Variants in NAALADL2 observed in about 807,000 individuals in gnomAD.
NAALADL2 encodes inactive N-acetylated-alpha-linked acidic dipeptidase-like protein 2.
A neutral mutation model predicts 87.2 loss-of-function variants in NAALADL2; 76 were observed. The ratio of observed to expected loss-of-function variants is 0.87; its 90% CI spans 0.72 to 1.05. The LOEUF is 1.05. Among genes scored for constraint, NAALADL2 ranks in the 50% least tolerant of loss-of-function variants. NAALADL2 has a pLI of 0.00. For missense variants in NAALADL2, 1,089 were observed against 945.8 expected (o/e 1.15, Z -1.99); for synonymous variants, 354 against 331.0 (o/e 1.07, Z -0.75).
chr3:175,597,832 G>A (rs1722444288), intron 10 of NAALADL2, among the ~76,000 whole-genome samples: 1 of 151,924 alleles, frequency 6.6e-6, no homozygotes, highest in African/African-American at 2.4e-5. Flanking sequence ...TATTTATCTA[G>A]AATTAGAGTT....
chr3:175,252,500 C>T (rs1207282298), intron 3 of NAALADL2, among the ~76,000 whole-genome samples: 1 of 152,136 alleles, frequency 6.6e-6, no homozygotes, highest in Non-Finnish European at 1.5e-5. Flanking sequence ...TCCTGGGCCT[C>T]CCTCTCCTGG....
intron 1 of NAALADL2, among the ~76,000 whole-genome samples, chr3:174,532,516 T>G (rs1471860560): frequency 6.6e-6 from 1 of 152,098 alleles, no homozygotes; most frequent in African/African-American, 2.4e-5. Flanking sequence ...GGAGTCAAAT[T>G]TAATCATTGA....
At chr3:174,823,274 G>T (rs1721625306) in intron 3 of NAALADL2, among the ~76,000 whole-genome samples, 1 of 151,226 alleles carries the variant, frequency 6.6e-6, no homozygotes, top group Non-Finnish European at 1.5e-5. Flanking sequence ...AACAAATACA[G>T]CTCCTTCTTT....
At chr3:175,368,305 G>T (rs1469081232) in intron 5 of NAALADL2, among the ~76,000 whole-genome samples, 3 of 152,148 alleles carry the variant, frequency 2.0e-5, no homozygotes, top group African/African-American at 7.2e-5. Context: ...AAGGATATTG[G>T]TCTAAAATTC....
intron 2 of NAALADL2, chr3:174,551,181 T>C (rs1231649356): frequency 1.3e-5 from 2 of 152,158 alleles, no homozygotes; most frequent in African/African-American, 4.8e-5. Flanking sequence ...TTTGATGAGA[T>C]AGCAGTCTAA....
chr3:175,084,651 T>G lies in NAALADL2; in HGVS notation c.44-12139T>G, dbSNP rs114225201. ...ATGTATTCCTAAAAGAGCATAGATATAAATGTGAGGAGATTATTGAGTTAT... is the reference window on the plus strand; with the variant it reads ...ATGTATTCCTAAAAGAGCATAGATAGAAATGTGAGGAGATTATTGAGTTAT... On this transcript the variant is annotated intron_variant, in intron 1 of 13. Coordinates refer to ENST00000454872, the MANE Select transcript of NAALADL2 (RefSeq NM_207015.3). Among the ~76,000 whole-genome samples the G allele has an allele frequency of 2.2e-3, 337 of 152,302 alleles. 3 individuals carry two copies. Among genetic ancestry groups the G allele is most frequent in the African/African-American group, 7.6e-3 (315 of 41,576 alleles).
intron 5 of NAALADL2, among the ~76,000 whole-genome samples, chr3:175,429,758 C>A (rs1198516777): frequency 6.6e-6 from 1 of 151,880 alleles, no homozygotes; most frequent in African/African-American, 2.4e-5. Flanking sequence ...TACTATGCAA[C>A]ATCCACAAAG....
intron 12 of NAALADL2, among the ~76,000 whole-genome samples, chr3:175,746,314 T>C (rs935172601): frequency 4.4e-5 from 6 of 135,350 alleles, no homozygotes; most frequent in African/African-American, 1.8e-4. Flanking sequence ...TCACTTGGTT[T>C]GTTTTTTTTT....
At chr3:175,326,111 A>G (rs879398788) in intron 5 of NAALADL2, among the ~76,000 whole-genome samples, 8 of 152,232 alleles carry the variant, frequency 5.3e-5, no homozygotes, top group Non-Finnish European at 8.8e-5. Flanking sequence ...GCTTAGATAT[A>G]TTCTTCTGCC....
chr3:175,589,734 A>G (rs1055074452), intron 10 of NAALADL2, among the ~76,000 whole-genome samples: 1 of 151,272 alleles, frequency 6.6e-6, no homozygotes, highest in Non-Finnish European at 1.5e-5. Flanking sequence ...TAATTCTTCT[A>G]GGATAAATTT....
intron 5 of NAALADL2, among the ~76,000 whole-genome samples, chr3:175,357,876 T>G (rs1327836369): frequency 1.3e-5 from 2 of 151,968 alleles, no homozygotes; most frequent in Non-Finnish European, 2.9e-5. Context: ...TAGGAAATGG[T>G]GAGGAAACAT....
At chr3:175,613,486 A>G (rs936683510) in intron 10 of NAALADL2, among the ~76,000 whole-genome samples, 1 of 152,252 alleles carries the variant, frequency 6.6e-6, no homozygotes, top group African/African-American at 2.4e-5. Flanking sequence ...TGAAATGAAC[A>G]TACATTTTAT....
intron 1 of NAALADL2, among the ~76,000 whole-genome samples, chr3:174,490,491 T>G (rs1417817104): frequency 6.6e-6 from 1 of 152,128 alleles, no homozygotes; most frequent in Non-Finnish European, 1.5e-5. Flanking sequence ...TGCAACCATG[T>G]GAATATACTA....
At chr3:174,907,135 T>A (rs1733076706) in intron 1 of NAALADL2, among the ~76,000 whole-genome samples, 1 of 152,118 alleles carries the variant, frequency 6.6e-6, no homozygotes, top group South Asian at 2.1e-4. Flanking sequence ...TTAATCAAAC[T>A]CTTTCTCAGC....
At chr3:174,990,239 T>G (rs998152814) in intron 1 of NAALADL2, among the ~76,000 whole-genome samples, 3 of 152,194 alleles carry the variant, frequency 2.0e-5, no homozygotes, top group African/African-American at 7.2e-5. Flanking sequence ...CTTAAGTTAC[T>G]GGAAACCTAG....
chr3:175,265,862 T>C (rs150970330), intron 4 of NAALADL2, among the ~76,000 whole-genome samples: 1 of 151,574 alleles, frequency 6.6e-6, no homozygotes, highest in East Asian at 1.9e-4. Flanking sequence ...AATAAAATAT[T>C]ATTTTAATAA....
chr3:174,588,523 C>T (rs1716982533), intron 2 of NAALADL2, among the ~76,000 whole-genome samples: 1 of 152,130 alleles, frequency 6.6e-6, no homozygotes, highest in African/African-American at 2.4e-5. Flanking sequence ...TACCTTTGGT[C>T]TTTGATGATG....
intron 2 of NAALADL2, among the ~76,000 whole-genome samples, chr3:175,134,292 C>T (rs1018866645): frequency 6.6e-6 from 1 of 152,190 alleles, no homozygotes; most frequent in Non-Finnish European, 1.5e-5. Flanking sequence ...CAAAGCTTAA[C>T]CTGTATCTGC....
At chr3:175,619,277 A>AG (rs1725857315) in intron 10 of NAALADL2, among the ~76,000 whole-genome samples, 1 of 150,002 alleles carries the variant, frequency 6.7e-6, no homozygotes, top group Admixed American at 6.7e-5. Flanking sequence ...GGAGAAGGAA[A>AG]GAAAGAAAGA....
Sources: gnomAD v4.1 joint callset for allele counts (sites outside exome capture counted in the v4.1 genomes callset) on GRCh38, gnomAD v4.1.1 for gene constraint, MANE v1.5 for transcripts, NCBI Gene and HGNC (gene_info 2026-07-23, HGNC 2026-07-21) for gene names.